Variants in SCGN observed in about 807,000 individuals in gnomAD.
The protein encoded by SCGN is secretagogin.
Under a neutral mutation model 39.7 loss-of-function variants are expected in SCGN, and 30 were observed. The ratio of observed to expected loss-of-function variants is 0.76; its 90% CI spans 0.57 to 1.03. The LOEUF (loss-of-function observed/expected upper bound fraction) is 1.03, where lower values mean the gene tolerates loss of function less well. SCGN is among the 50% of genes least tolerant of loss of function. The pLI, the probability that SCGN is intolerant of heterozygous loss-of-function variation, is 0.00. For missense variants in SCGN, 353 were observed against 349.4 expected (o/e 1.01, Z -0.08); for synonymous variants, 106 against 114.1 (o/e 0.93, Z 0.45).
Position 25,700,079 on chromosome 6 carries a change from C to G in SCGN, c.703-1128C>G, listed in dbSNP as rs7758105. Among the ~76,000 whole-genome samples the G allele has an allele frequency of 2.3e-3, 356 of 151,896 alleles. 1 individual carries two copies. Among genetic ancestry groups the G allele is most frequent in the African/African-American group, 8.1e-3 (334 of 41,422 alleles). ...TGGCCAACAGGATGAAACCCTATCT[C>G]TACTAAAATACAAAAATTAGCCGGG... On this transcript the variant is annotated intron_variant, in intron 10 of 10. Transcript: ENST00000377961.
At chr6:25,659,965 C>T (rs1374400802) in intron 2 of SCGN, among the ~76,000 whole-genome samples, 1 of 152,108 alleles carries the variant, frequency 6.6e-6, no homozygotes, top group African/African-American at 2.4e-5. Context: ...GAAACATTTT[C>T]TCAGCCAGTG....
chr6:25,691,141 C>G lies in SCGN; in HGVS notation c.702+17C>G, dbSNP rs768250838. 1 of 1,589,806 alleles carries G rather than the reference C, an allele frequency of 6.3e-7. No homozygotes were observed. Among genetic ancestry groups the G allele is most frequent in the East Asian group, 2.2e-5 (1 of 44,632 alleles). ...CTTGTCCAGGTGAGTGCACGTTCTT[C>G]TTATTATGAAGTGGGGTTGTTGTTT... On this transcript the variant is annotated intron_variant, in intron 10 of 10. Transcript: ENST00000377961.
chr6:25,672,300 AT>A (rs1759510138), intron 6 of SCGN, among the ~76,000 whole-genome samples: 2 of 152,236 alleles, frequency 1.3e-5, no homozygotes, highest in South Asian at 4.1e-4. Context: ...AGTGAGCAAA[AT>A]AGACAAAGGG....
intron 7 of SCGN, among the ~76,000 whole-genome samples, chr6:25,682,831 C>T (rs1177244597): frequency 6.6e-6 from 1 of 152,152 alleles, no homozygotes; most frequent in African/African-American, 2.4e-5. Context: ...GAGGAGGTAA[C>T]TCGACAAAGT....
In SCGN at chr6:25,701,279, G is replaced by T. The variant is rs1460216672; in HGVS notation, c.775G>T (p.Gly259Ter). The T allele has an allele frequency of 6.2e-7, 1 of 1,613,486 alleles. No individual in the cohort carries two copies. Among genetic ancestry groups the T allele is most frequent in the African/African-American group, 1.3e-5 (1 of 74,896 alleles). ...GCGTCACTGCGACGTGAACAAGGAT[G>T]GAAAAATTCAGAAGTCTGAGCTGGC... ...LLRHCDVNKD[G>*]KIQKSELALC... Residue 259 changes from glycine (G) to a stop codon, truncating the protein, a stop_gained, in exon 11 of 11, where the codon GGA becomes TGA. Transcript: ENST00000377961. LOFTEE classifies it high-confidence loss of function.
chr6:25,680,025 A>G (rs766059719), intron 6 of SCGN, among the ~76,000 whole-genome samples: 6 of 146,918 alleles, frequency 4.1e-5, no homozygotes, highest in Non-Finnish European at 7.6e-5. Context: ...CTTTCTAAAT[A>G]TCAGTTTCCT....
chr6:25,689,180 C>A lies in SCGN; in HGVS notation c.536C>A (p.Ala179Asp). Residue 179 changes from alanine (A) to aspartate (D), a missense_variant, in exon 8 of 11, where the codon GCT becomes GAT. By Grantham distance (126) the Ala-to-Asp change is moderately radical. Transcript: ENST00000377961. ...TTTTTTTTTCTATTTAGGATTCTGGCTCTTCAGGAAAACTTCCTTCTCCAA... is the reference window on the plus strand; with the variant it reads ...TTTTTTTTTCTATTTAGGATTCTGGATCTTCAGGAAAACTTCCTTCTCCAA... Reference protein sequence around the residue: ...LDLNDLARILALQENFLLQFK... With the variant: ...LDLNDLARILDLQENFLLQFK... The A allele has an allele frequency of 1.3e-6, 2 of 1,590,032 alleles. No individual in the cohort carries two copies. Among genetic ancestry groups the A allele is most frequent in the Non-Finnish European group, 1.7e-6 (2 of 1,166,002 alleles).
intron 10 of SCGN, among the ~76,000 whole-genome samples, chr6:25,691,722 T>C (rs1428530802): frequency 1.3e-5 from 2 of 152,214 alleles, no homozygotes; most frequent in Admixed American, 1.3e-4. Context: ...AAGCAGATCA[T>C]TTCCTATTCT....
intron 6 of SCGN, among the ~76,000 whole-genome samples, chr6:25,680,295 T>C (rs554374072): frequency 5.7e-4 from 87 of 152,338 alleles, no homozygotes; most frequent in African/African-American, 1.9e-3. Flanking sequence ...TCCCTCATTA[T>C]TAATATTTGA....
At chr6:25,677,989 G>A (rs1310858832) in intron 6 of SCGN, among the ~76,000 whole-genome samples, 1 of 152,166 alleles carries the variant, frequency 6.6e-6, no homozygotes, top group Non-Finnish European at 1.5e-5. Flanking sequence ...ACAAAGATTT[G>A]AAAAACTAAA....
chr6:25,660,816 G>A (rs1760321991), intron 2 of SCGN, among the ~76,000 whole-genome samples: 1 of 152,204 alleles, frequency 6.6e-6, no homozygotes, highest in African/African-American at 2.4e-5. Context: ...GAGACAGCAT[G>A]ATAGTATTAG....
chr6:25,699,277 G>T, intron 10 of SCGN, among the ~76,000 whole-genome samples: 1 of 152,074 alleles, frequency 6.6e-6, no homozygotes, highest in East Asian at 1.9e-4. Context: ...TGGTGGAAAG[G>T]CTTTATTCCC....
intron 10 of SCGN, among the ~76,000 whole-genome samples, chr6:25,700,721 C>G (rs1759900817): frequency 6.6e-6 from 1 of 152,126 alleles, no homozygotes; most frequent in Non-Finnish European, 1.5e-5. Context: ...TTCTTTCTTG[C>G]CCCCTAACAT....
chr6:25,693,457 A>C (rs973355482), intron 10 of SCGN, among the ~76,000 whole-genome samples: 2 of 149,588 alleles, frequency 1.3e-5, no homozygotes, highest in African/African-American at 4.9e-5. Context: ...GTCTCAAAAA[A>C]AAAAAAAAAA....
intron 1 of SCGN, among the ~76,000 whole-genome samples, chr6:25,652,754 A>T (rs1055119197): frequency 3.3e-5 from 5 of 152,102 alleles, no homozygotes; most frequent in Non-Finnish European, 7.4e-5. Flanking sequence ...TGGTAGACAT[A>T]CATATATATT....
rs758522511 is a variant in SCGN, at chr6:25,661,660, G to A, written c.246+16G>A. On this transcript the variant is annotated intron_variant, in intron 3 of 10. Coordinates refer to ENST00000377961, the MANE Select transcript of SCGN (RefSeq NM_006998.4). ...GATGAAAGAGGTAACTTTACTGACA[G>A]TATTTTTCATGGCTCTACTCTTCTT... is the stretch of plus-strand genomic sequence containing the variant. 3 of 1,534,332 alleles carry A rather than the reference G, an allele frequency of 2.0e-6. No individual in the cohort carries two copies. Among genetic ancestry groups the A allele is most frequent in the South Asian group, 2.2e-5 (2 of 89,192 alleles).
At chr6:25,699,709 T>C (rs1276299580) in intron 10 of SCGN, among the ~76,000 whole-genome samples, 1 of 151,836 alleles carries the variant, frequency 6.6e-6, no homozygotes, top group Non-Finnish European at 1.5e-5. Context: ...TGCCCACCCA[T>C]GTTGCCAGTT....
Position 25,655,246 on chromosome 6 carries a change from C to T in SCGN, c.153+1794C>T, listed in dbSNP as rs1561759059. ...TGGAACTTCTCACCTTTTCAGAGGG[C>T]TCCTTGTTCTAGTCATTTATAAAAG... On this transcript the variant is annotated intron_variant, in intron 2 of 10. Transcript: ENST00000377961. Among the ~76,000 whole-genome samples, 3 of 152,342 alleles carry T rather than the reference C, an allele frequency of 2.0e-5. No homozygotes were observed. The East Asian group carries it at 5.8e-4, about 29-fold the overall frequency.
At chr6:25,654,121 G>T (rs552192872) in intron 2 of SCGN, among the ~76,000 whole-genome samples, 10 of 152,156 alleles carry the variant, frequency 6.6e-5, no homozygotes, top group African/African-American at 2.2e-4. Context: ...GGATGGGCTC[G>T]ATCTGATGAA....
Sources: gnomAD v4.1 joint callset for allele counts (sites outside exome capture counted in the v4.1 genomes callset) on GRCh38, gnomAD v4.1.1 for gene constraint, MANE v1.5 for transcripts, NCBI Gene and HGNC (gene_info 2026-07-23, HGNC 2026-07-21) for gene names.